Variants in SLIT3 observed in about 807,000 individuals in gnomAD.
The protein encoded by SLIT3 is slit guidance ligand 3.
A neutral mutation model predicts 184.0 loss-of-function variants in SLIT3; 68 were observed. That is an observed-to-expected ratio of 0.37 (90% CI 0.30 to 0.45). The LOEUF is 0.45. Among genes scored for constraint, SLIT3 ranks in the 20% least tolerant of loss-of-function variants. The pLI is 1.00. For synonymous variants in SLIT3, 831 were observed against 828.6 expected (o/e 1.00, Z -0.05); for missense variants, 1,707 against 2,026.0 (o/e 0.84, Z 3.02).
At chr5:168,768,313 C>T (rs1225802595) in intron 14 of SLIT3, 9 of 468,742 alleles carry the variant, frequency 1.9e-5, no homozygotes, top group African/African-American at 1.0e-4. Context: ...GAGGAAGCAG[C>T]GTGGAGAAGC....
At chr5:169,230,765 C>T (rs1174235085) in intron 3 of SLIT3, among the ~76,000 whole-genome samples, 3 of 152,148 alleles carry the variant, frequency 2.0e-5, no homozygotes, top group Non-Finnish European at 4.4e-5. Flanking sequence ...TCAGAACAGT[C>T]CTGGATTCAA....
chr5:168,933,553 C>A (rs61219789), intron 4 of SLIT3, among the ~76,000 whole-genome samples: 7,421 of 121,582 alleles, frequency 0.061, 452 homozygotes, highest in African/African-American at 0.2. Context: ...AACAAACAAA[C>A]AAAAAAAACA....
intron 4 of SLIT3, among the ~76,000 whole-genome samples, chr5:169,072,002 GAAC>G (rs140849832): frequency 0.027 from 4,130 of 152,262 alleles, 73 homozygotes; most frequent in Non-Finnish European, 0.038. Context: ...GTTGGAACTA[GAAC>G]AATAGCTCAG....
At position 168,963,438 on chromosome 5, in the gene SLIT3, C is replaced by T. The variant is rs562470082; in HGVS notation, c.414-80102G>A. On this transcript the variant is annotated intron_variant, in intron 4 of 35. Transcript: ENST00000519560. ...CTGCCTGCCTTGGCCTCCCAAAGTGCTGGGATTACAGGCATGAGGCACTGT... is the reference window on the plus strand; with the variant it reads ...CTGCCTGCCTTGGCCTCCCAAAGTGTTGGGATTACAGGCATGAGGCACTGT... Among the ~76,000 whole-genome samples, 15 of 152,350 alleles carry T rather than the reference C, an allele frequency of 9.8e-5. No individual in the cohort carries two copies. In the South Asian group the frequency reaches 2.9e-3, roughly 29 times the overall value.
chr5:169,287,330 G>A (rs138335863), intron 1 of SLIT3, among the ~76,000 whole-genome samples: 93 of 152,186 alleles, frequency 6.1e-4, no homozygotes, highest in African/African-American at 2.1e-3. Context: ...CTGCCATCCC[G>A]AGTCACCCAT....
intron 3 of SLIT3, among the ~76,000 whole-genome samples, chr5:169,231,426 G>A (rs1272013118): frequency 6.6e-6 from 1 of 152,110 alleles, no homozygotes; most frequent in Non-Finnish European, 1.5e-5. Flanking sequence ...AGTTTTGCCT[G>A]CTTTTGAAGT....
At position 168,678,359 on chromosome 5, in the gene SLIT3, G is replaced by A. The variant is rs114609102; in HGVS notation, c.3687-5028C>T. 4.4e-3 allele frequency among the ~76,000 whole-genome samples: 673 copies of A among 152,132 alleles called. 9 individuals are homozygous for A. The highest frequency in any genetic ancestry group is 0.015 in the African/African-American group (642 of 41,488). Reference sequence around the variant, plus strand: ...AAAATAAAAAAATAAAATCATGGCCGGGCACGGTGGCTCACACCTGTAATC... The same window carrying A: ...AAAATAAAAAAATAAAATCATGGCCAGGCACGGTGGCTCACACCTGTAATC... On this transcript the variant is annotated intron_variant, in intron 32 of 35. Transcript: ENST00000519560.
chr5:168,827,743 G>A (rs1326845689), intron 6 of SLIT3, among the ~76,000 whole-genome samples: 1 of 152,164 alleles, frequency 6.6e-6, no homozygotes, highest in Non-Finnish European at 1.5e-5. Flanking sequence ...GCAGGACAAG[G>A]GCTCCCCAGG....
chr5:168,827,779 T>C (rs1432388446), intron 6 of SLIT3, among the ~76,000 whole-genome samples: 1 of 152,204 alleles, frequency 6.6e-6, no homozygotes, highest in Non-Finnish European at 1.5e-5. Context: ...AAGATTCACA[T>C]AATGGACAGC....
At chr5:168,973,749 C>T (rs988426156) in intron 4 of SLIT3, among the ~76,000 whole-genome samples, 12 of 152,210 alleles carry the variant, frequency 7.9e-5, no homozygotes, top group African/African-American at 2.7e-4. Context: ...CTTCCTCCTA[C>T]CTAGCCCTGA....
At chr5:168,782,732 T>C (rs1283002169) in intron 12 of SLIT3, among the ~76,000 whole-genome samples, 1 of 152,174 alleles carries the variant, frequency 6.6e-6, no homozygotes, top group Non-Finnish European at 1.5e-5. Flanking sequence ...ATTCTAAACA[T>C]ACTTCCTAGT....
At chr5:168,955,937 C>G (rs902519560) in intron 4 of SLIT3, among the ~76,000 whole-genome samples, 2 of 152,140 alleles carry the variant, frequency 1.3e-5, no homozygotes, top group Non-Finnish European at 2.9e-5. Context: ...TATGGTCTTC[C>G]AGTGCTAAAA....
intron 5 of SLIT3, among the ~76,000 whole-genome samples, chr5:168,863,988 G>A (rs1369229055): frequency 6.7e-6 from 1 of 149,820 alleles, no homozygotes; most frequent in Non-Finnish European, 1.5e-5. Flanking sequence ...GAAGACCAAA[G>A]AGTTTGAGAC....
At chr5:168,707,712 G>GA (rs1405325578) in intron 26 of SLIT3, 1 of 398,160 alleles carries the variant, frequency 2.5e-6, no homozygotes, top group East Asian at 4.0e-5. Context: ...GTTTCACAAA[G>GA]AAAATACAAA....
chr5:168,732,290 A>T (rs1050043584), intron 20 of SLIT3, among the ~76,000 whole-genome samples: 13 of 152,096 alleles, frequency 8.5e-5, no homozygotes, highest in Non-Finnish European at 1.6e-4. Context: ...GAACTACAAA[A>T]CACTGATGGA....
intron 20 of SLIT3, among the ~76,000 whole-genome samples, chr5:168,746,350 T>TGTGTGTTGGTGTGTGGTGTGTGA (rs1420566973): frequency 1.2e-5 from 1 of 85,026 alleles, no homozygotes. Context: ...GTGGTGTGGG[T>TGTGTGTTGGTGTGTGGTGTGTGA]GTGTGGTGGT....
At chr5:168,899,772 C>T (rs1202733130) in intron 4 of SLIT3, among the ~76,000 whole-genome samples, 2 of 147,124 alleles carry the variant, frequency 1.4e-5, no homozygotes, top group Non-Finnish European at 3.0e-5. Flanking sequence ...GTTCTGAAAC[C>T]TTAGCCAGGC....
chr5:168,713,297 G>A (rs990095222), intron 23 of SLIT3, among the ~76,000 whole-genome samples: 3 of 152,176 alleles, frequency 2.0e-5, no homozygotes, highest in Admixed American at 2.0e-4. Context: ...GCAGCTAGGA[G>A]CTATTCTCAC....
At chr5:169,145,465 C>T (rs1384934679) in intron 4 of SLIT3, among the ~76,000 whole-genome samples, 1 of 152,156 alleles carries the variant, frequency 6.6e-6, no homozygotes, top group Non-Finnish European at 1.5e-5. Flanking sequence ...CTTAATGAGG[C>T]TCTCCATGTA....
Sources: allele counts gnomAD v4.1 joint callset (sites outside exome capture counted in the v4.1 genomes callset), GRCh38; gene constraint gnomAD v4.1.1; transcripts MANE v1.5; gene names NCBI Gene and HGNC (gene_info 2026-07-23, HGNC 2026-07-21).